Variants in MORC1 observed in about 807,000 individuals in gnomAD.
The protein encoded by MORC1 is MORC family CW-type zinc finger 1, also known as MORC family CW-type zinc finger protein 1.
In MORC1, 59 loss-of-function variants were observed where a neutral mutation model predicts 134.9. The ratio of observed to expected loss-of-function variants is 0.44; its 90% CI spans 0.35 to 0.54. The LOEUF (loss-of-function observed/expected upper bound fraction) is 0.54. Among genes scored for constraint, MORC1 ranks in the 20% least tolerant of loss-of-function variants. MORC1 has a pLI of 0.00. For synonymous variants in MORC1, 395 were observed against 391.7 expected (o/e 1.01, Z -0.10); for missense variants, 947 against 1,134.5 (o/e 0.83, Z 2.37).
chr3:109,104,780 T>G (rs981058853), intron 3 of MORC1, among the ~76,000 whole-genome samples: 1 of 152,148 alleles, frequency 6.6e-6, no homozygotes, highest in Non-Finnish European at 1.5e-5. Context: ...CTAGCACATT[T>G]CTCTTTCTTA....
At chr3:109,003,497 A>G (rs1256244965) in intron 20 of MORC1, among the ~76,000 whole-genome samples, 1 of 151,714 alleles carries the variant, frequency 6.6e-6, no homozygotes, top group East Asian at 1.9e-4. Flanking sequence ...ACACACTCCC[A>G]ACTTCTCAAT....
intron 24 of MORC1, among the ~76,000 whole-genome samples, chr3:108,972,284 G>A (rs1947404950): frequency 6.6e-6 from 1 of 151,536 alleles, no homozygotes; most frequent in African/African-American, 2.4e-5. Context: ...ATCTTAAAGT[G>A]TATAGTATTC....
chr3:108,999,512 T>A (rs1948335705), intron 21 of MORC1, among the ~76,000 whole-genome samples: 1 of 152,186 alleles, frequency 6.6e-6, no homozygotes, highest in South Asian at 2.1e-4. Context: ...GACAATAACT[T>A]TCTGGTGAAG....
intron 6 of MORC1, among the ~76,000 whole-genome samples, chr3:109,098,591 T>C (rs78155677): frequency 1.2e-3 from 181 of 152,300 alleles, no homozygotes; most frequent in African/African-American, 4.2e-3. Context: ...ACTCTCTCCA[T>C]AAAACCCTCA....
chr3:108,967,860 CA>C (rs994888846), intron 26 of MORC1, among the ~76,000 whole-genome samples: 5 of 150,616 alleles, frequency 3.3e-5, no homozygotes, highest in African/African-American at 7.3e-5. Flanking sequence ...AGGGGGTGGG[CA>C]AAAAAAAGTT....
intron 3 of MORC1, among the ~76,000 whole-genome samples, chr3:109,105,807 C>T (rs1476068669): frequency 1.3e-5 from 2 of 151,872 alleles, no homozygotes; most frequent in African/African-American, 2.4e-5. Context: ...GTGATGTGCC[C>T]GCTTCTAATC....
intron 16 of MORC1, among the ~76,000 whole-genome samples, chr3:109,028,756 TC>T: frequency 6.6e-6 from 1 of 152,184 alleles, no homozygotes; most frequent in East Asian, 1.9e-4. Flanking sequence ...TTTGTTCACT[TC>T]GGTATCAAGG....
chr3:109,052,148 T>C (rs1949845414), intron 14 of MORC1, among the ~76,000 whole-genome samples: 1 of 152,204 alleles, frequency 6.6e-6, no homozygotes, highest in Admixed American at 6.5e-5. Context: ...AGTAGATGTT[T>C]GAGTTAAACC....
In MORC1 at chr3:109,042,793, G is replaced by A. The variant is rs184154860; in HGVS notation, c.1331-7325C>T. ...ATTTGCAAAGCCATGAATGAACCTG[G>A]TGAACATTACGTTAAGTGAAATAAG... On this transcript the variant is annotated intron_variant, in intron 14 of 27. Coordinates refer to ENST00000232603, the MANE Select transcript of MORC1 (RefSeq NM_014429.4). 7.0e-4 allele frequency among the ~76,000 whole-genome samples: 107 copies of A among 152,222 alleles called. 1 individual carries two copies. The highest frequency in any genetic ancestry group is 2.4e-3 in the African/African-American group (101 of 41,546).
chr3:108,981,365 C>T lies in MORC1; in HGVS notation c.2325-1698G>A, dbSNP rs114131104. Among the ~76,000 whole-genome samples, 1,409 of 152,218 alleles carry T rather than the reference C, an allele frequency of 9.3e-3. 26 individuals carry two copies. Among genetic ancestry groups the T allele is most frequent in the African/African-American group, 0.033 (1,351 of 41,518 alleles). ...CAACAGCTCTTTGGCATTAATTATA[C>T]TGTCTAACTTTGCTGATTTTTTTAA... On this transcript the variant is annotated intron_variant, in intron 23 of 27. Coordinates refer to ENST00000232603, the MANE Select transcript of MORC1 (RefSeq NM_014429.4).
intron 22 of MORC1, among the ~76,000 whole-genome samples, chr3:108,985,441 C>T (rs1167850388): frequency 6.6e-6 from 1 of 152,140 alleles, no homozygotes; most frequent in Admixed American, 6.5e-5. Flanking sequence ...TATCTTGTTC[C>T]ACCAAGTAAA....
At chr3:109,070,823 T>A (rs576309658) in intron 8 of MORC1, among the ~76,000 whole-genome samples, 1 of 152,300 alleles carries the variant, frequency 6.6e-6, no homozygotes, top group African/African-American at 2.4e-5. Context: ...CCTGGTTGGT[T>A]TTAAGTTCCT....
At chr3:109,114,486 C>A in intron 1 of MORC1, 49 bp from the exon 2 acceptor site, 3 of 1,511,286 alleles carry the variant, frequency 2.0e-6, no homozygotes, top group South Asian at 1.2e-5. Flanking sequence ...GGTGTGTAAT[C>A]AATGTAAAAG....
chr3:109,005,432 T>A (rs2290058), intron 18 of MORC1, 117 bp from the exon 19 acceptor site: 402,770 of 982,460 alleles, frequency 0.41, 85,661 homozygotes, highest in Middle Eastern at 0.56. Context: ...AAAAAGTTTT[T>A]AAATCAGAAG....
Position 108,963,437 on chromosome 3 carries a change from G to C in MORC1, c.2776C>G (p.Leu926Val). Residue 926 changes from leucine (L) to valine (V), a missense_variant, in exon 27 of 28, where the codon CTA (leucine) becomes GTA (valine). By Grantham distance (32) the Leu-to-Val change is conservative (BLOSUM62 1). Transcript: ENST00000232603. ...KLKNLRIKLA[L>V]LLQKLQLGGP... ...ACCAGTTGGAGTTTCTGCAACAATA[G>C]TGCCAGTTTTATACGAAGATTCTTC... 1 of 1,611,434 alleles carries C rather than the reference G, an allele frequency of 6.2e-7. No homozygotes were observed. The highest frequency in any genetic ancestry group is 1.1e-5 in the South Asian group (1 of 90,038).
Position 108,979,599 on chromosome 3 carries a change from C to T in MORC1, c.2393G>A (p.Gly798Asp), listed in dbSNP as rs201675482. The T allele has an allele frequency of 2.5e-6, 4 of 1,614,174 alleles. No individual in the cohort carries two copies. The highest frequency in any genetic ancestry group is 3.4e-6 in the Non-Finnish European group (4 of 1,180,018). ...TGGCGAAGAAGCAACTTTACAACTG[C>T]CACTCACAGAAACTCTGGCTATGTG... ...SGHIARVSVSGSCKVASSPAS... is the reference protein window; with the variant it reads ...SGHIARVSVSDSCKVASSPAS... The change falls in exon 24 of 28, where the codon GGC (glycine) becomes GAC (aspartate). Residue 798 changes from glycine (G) to aspartate (D), a missense_variant. By Grantham distance (94) the Gly-to-Asp change is moderately conservative. This residue lies in a region of MORC1 where 722 missense variants were observed against 817.0 expected (regional missense o/e 0.88). Transcript: ENST00000232603.
chr3:109,025,387 T>C (rs71625231), intron 17 of MORC1, among the ~76,000 whole-genome samples: 14,802 of 88,210 alleles, frequency 0.17, 807 homozygotes, highest in Non-Finnish European at 0.21. Context: ...TTCTTTTTTT[T>C]TTTTTTTTTT....
At chr3:109,004,555 G>A (rs1377027935) in intron 20 of MORC1, among the ~76,000 whole-genome samples, 1 of 152,048 alleles carries the variant, frequency 6.6e-6, no homozygotes, top group Non-Finnish European at 1.5e-5. Flanking sequence ...GAATAAATGT[G>A]TTGTGATTCT....
chr3:109,063,024 A>T, intron 10 of MORC1, 128 bp downstream of exon 10: 1 of 590,210 alleles, frequency 1.7e-6, no homozygotes, highest in Non-Finnish European at 2.9e-6. Context: ...ATAGAGACAG[A>T]AACTACATTT....
Sources: allele counts gnomAD v4.1 joint callset (sites outside exome capture counted in the v4.1 genomes callset), GRCh38; gene constraint gnomAD v4.1.1; regional missense constraint gnomAD v4.1.1; transcripts MANE v1.5; gene names NCBI Gene and HGNC (gene_info 2026-07-23, HGNC 2026-07-21).